C8orf89: variants seen among roughly 807,000 people sequenced by gnomAD.
C8orf89 encodes chromosome 8 open reading frame 89.
Under a neutral mutation model 15.8 loss-of-function variants are expected in C8orf89, and 14 were observed. The observed-to-expected ratio is 0.89, with a 90% confidence interval of 0.59 to 1.39. C8orf89 has a LOEUF of 1.39. Ranked by LOEUF, C8orf89 falls within the 40% of genes most tolerant of loss-of-function variation. The pLI is 0.00. For missense variants in C8orf89, 181 were observed against 184.5 expected (o/e 0.98, Z 0.11); for synonymous variants, 55 against 62.2 (o/e 0.88, Z 0.54).
chr8:73,267,561 T>C, the C8orf89 span, among the ~76,000 whole-genome samples: 2 of 152,238 alleles, frequency 1.3e-5, no homozygotes, highest in Non-Finnish European at 2.9e-5. Context: ...GGAAAGTTTC[T>C]CACAGTATCT....
upstream of C8orf89, among the ~76,000 whole-genome samples, chr8:73,260,410 T>G (rs113165805): frequency 4.5e-3 from 683 of 151,986 alleles, 3 homozygotes; most frequent in Non-Finnish European, 7.3e-3. Context: ...GGGGCAGGGA[T>G]AGCATTAGGA....
chr8:73,285,661 G>A, the C8orf89 span, among the ~76,000 whole-genome samples: 1 of 152,326 alleles, frequency 6.6e-6, no homozygotes, highest in African/African-American at 2.4e-5. Flanking sequence ...GATCCTGGCC[G>A]TTGCGGCCCA....
the C8orf89 span, among the ~76,000 whole-genome samples, chr8:73,274,858 T>C: frequency 1.3e-5 from 2 of 152,230 alleles, no homozygotes; most frequent in African/African-American, 4.8e-5. Context: ...CACATGAGAC[T>C]GAGATTGAGT....
At chr8:73,254,826 T>C (rs1000103164) in intron 2 of C8orf89, among the ~76,000 whole-genome samples, 4 of 152,100 alleles carry the variant, frequency 2.6e-5, no homozygotes, top group Non-Finnish European at 5.9e-5. Flanking sequence ...TATCTACAAC[T>C]ATCTGATCTT....
the C8orf89 span, among the ~76,000 whole-genome samples, chr8:73,284,229 TTGG>T: frequency 6.2e-5 from 4 of 64,802 alleles, no homozygotes; most frequent in Admixed American, 1.8e-4. Context: ...TTTTTTTTTT[TTGG>T]TGATGGAGTC....
chr8:73,271,955 C>G, the C8orf89 span, among the ~76,000 whole-genome samples: 1 of 152,212 alleles, frequency 6.6e-6, no homozygotes, highest in Non-Finnish European at 1.5e-5. Flanking sequence ...AATTCTCAAG[C>G]AAGAATCTTC....
chr8:73,249,336 G>A (rs189241184), intron 3 of C8orf89, among the ~76,000 whole-genome samples: 2 of 152,134 alleles, frequency 1.3e-5, no homozygotes, highest in Non-Finnish European at 2.9e-5. Flanking sequence ...ATTTTGTTGA[G>A]GATTTTTACA....
the C8orf89 span, among the ~76,000 whole-genome samples, chr8:73,276,425 G>A: frequency 1.3e-5 from 2 of 151,982 alleles, no homozygotes; most frequent in Non-Finnish European, 2.9e-5. Flanking sequence ...TGATCCACCC[G>A]CCTCAGCCTC....
At chr8:73,276,805 A>T in the C8orf89 span, among the ~76,000 whole-genome samples, 95 of 87,628 alleles carry the variant, frequency 1.1e-3, 1 homozygote, top group African/African-American at 3.0e-3. Flanking sequence ...CACAGCAGTC[A>T]TTTTTTTTTT....
intron 2 of C8orf89, 22 bp from the exon 3 acceptor site, chr8:73,250,345 A>T (rs1813221239): frequency 7.2e-7 from 1 of 1,394,154 alleles, no homozygotes; most frequent in Non-Finnish European, 9.8e-7. Context: ...ATATTATCAT[A>T]AAATTACTTA....
chr8:73,275,698 A>ATTTTC, the C8orf89 span, among the ~76,000 whole-genome samples: 1 of 151,570 alleles, frequency 6.6e-6, no homozygotes, highest in Non-Finnish European at 1.5e-5. Context: ...TTTTATTCTT[A>ATTTTC]TTTGTAGTGC....
At chr8:73,280,198 TG>T in the C8orf89 span, among the ~76,000 whole-genome samples, 1 of 152,216 alleles carries the variant, frequency 6.6e-6, no homozygotes, top group Non-Finnish European at 1.5e-5. Flanking sequence ...TTCAGGCACC[TG>T]GGGATTTCCT....
rs763895682 is a variant in C8orf89 at position 73,246,162 on chromosome 8, CTT to C, written c.337+4104_337+4105del. Among the ~76,000 whole-genome samples, 5 of 152,272 alleles carry C rather than the reference CTT, an allele frequency of 3.3e-5. No individual in the cohort carries two copies. In the East Asian group the frequency reaches 9.6e-4, roughly 29 times the overall value. ...GTGTATTTCAGGAATGCAAGAGTGACTTAACATTACAAAATCTGTAAATGTTA... is the reference window on the plus strand; with the variant it reads ...GTGTATTTCAGGAATGCAAGAGTGACAACATTACAAAATCTGTAAATGTTA... On this transcript the variant is annotated intron_variant, in intron 3 of 3. Transcript: ENST00000624510.
intron 2 of C8orf89, among the ~76,000 whole-genome samples, chr8:73,254,599 G>C (rs1813325876): frequency 6.6e-6 from 1 of 152,084 alleles, no homozygotes; most frequent in Non-Finnish European, 1.5e-5. Context: ...CCTCATGCCT[G>C]GTCATTTGGG....
chr8:73,243,168 G>A (rs1033973101), intron 3 of C8orf89, among the ~76,000 whole-genome samples: 2 of 152,176 alleles, frequency 1.3e-5, no homozygotes, highest in Admixed American at 1.3e-4. Context: ...AAGGATAGTG[G>A]AGGAGAGATG....
At chr8:73,283,866 C>G in the C8orf89 span, among the ~76,000 whole-genome samples, 3 of 151,862 alleles carry the variant, frequency 2.0e-5, no homozygotes, top group East Asian at 5.8e-4. Flanking sequence ...ATGGTGAAAC[C>G]CCATCTCTAT....
At chr8:73,255,986 C>T (rs1586165949) in intron 2 of C8orf89, among the ~76,000 whole-genome samples, 1 of 150,136 alleles carries the variant, frequency 6.7e-6, no homozygotes, top group African/African-American at 2.5e-5. Context: ...GGAGGGATAG[C>T]TTTAGGAGAT....
chr8:73,270,490 A>G, the C8orf89 span, among the ~76,000 whole-genome samples: 3 of 152,258 alleles, frequency 2.0e-5, no homozygotes, highest in Non-Finnish European at 4.4e-5. Context: ...ATGTTATGCA[A>G]CAGAAAACAA....
chr8:73,278,929 TTC>T, the C8orf89 span, among the ~76,000 whole-genome samples: 12 of 152,164 alleles, frequency 7.9e-5, no homozygotes, highest in Non-Finnish European at 1.5e-4. Context: ...AACTCTTTTT[TTC>T]TTTTTTTCCC....
Sources: allele counts gnomAD v4.1 joint callset (sites outside exome capture counted in the v4.1 genomes callset), GRCh38; gene constraint gnomAD v4.1.1; transcripts MANE v1.5; gene names NCBI Gene and HGNC (gene_info 2026-07-23, HGNC 2026-07-21).